Variants in GDA observed in about 807,000 individuals in gnomAD.
GDA encodes guanine deaminase.
Under a neutral mutation model 59.6 loss-of-function variants are expected in GDA, and 18 were observed. The ratio of observed to expected loss-of-function variants is 0.30; its 90% CI spans 0.21 to 0.45. GDA has a LOEUF of 0.45. GDA is among the 20% of genes least tolerant of loss of function. The pLI, the probability that GDA is intolerant of heterozygous loss-of-function variation, is 1.00. For missense variants in GDA, 427 were observed against 552.3 expected, an observed-to-expected ratio of 0.77 and a Z score of 2.27; for synonymous variants, 201 against 201.1, an observed-to-expected ratio of 1.00 and a Z score of 0.00.
chr9:72,130,433 A>G (rs1042275889), intron 1 of GDA, among the ~76,000 whole-genome samples: 1 of 152,228 alleles, frequency 6.6e-6, no homozygotes, highest in Admixed American at 6.5e-5. Flanking sequence ...AAAAGTGACC[A>G]TTAAGAACAT....
At chr9:72,125,507 C>G (rs1587299769) in intron 1 of GDA, among the ~76,000 whole-genome samples, 1 of 152,242 alleles carries the variant, frequency 6.6e-6, no homozygotes, top group African/African-American at 2.4e-5. Context: ...CAGGCATGAG[C>G]CACTGTGCTT....
intron 1 of GDA, among the ~76,000 whole-genome samples, chr9:72,168,526 C>G (rs986767008): frequency 7.9e-5 from 12 of 151,312 alleles, no homozygotes; most frequent in African/African-American, 2.9e-4. Flanking sequence ...ACCCAAGTAG[C>G]TGGGATTACA....
intron 1 of GDA, among the ~76,000 whole-genome samples, chr9:72,167,572 C>A (rs1464920813): frequency 6.6e-6 from 1 of 152,164 alleles, no homozygotes; most frequent in African/African-American, 2.4e-5. Flanking sequence ...ACTTTCTGTC[C>A]ACCACTGGTT....
intron 12 of GDA, 123 bp downstream of exon 12, chr9:72,245,401 CG>C: frequency 3.0e-6 from 2 of 661,740 alleles, no homozygotes; most frequent in Non-Finnish European, 5.4e-6. Context: ...TTAAAATGGA[CG>C]CTAGAGCCCT....
rs535195138 is a variant in GDA at position 72,125,054 on chromosome 9, A to G, written c.-100+10221A>G. Reference sequence around the variant, plus strand: ...GTTTGAATCCTGGATGATTTGGGAGAGAGGACTCAAAGGATTCTTTATTAA... The same window carrying G: ...GTTTGAATCCTGGATGATTTGGGAGGGAGGACTCAAAGGATTCTTTATTAA... On this transcript the variant is annotated intron_variant, in intron 1 of 13. Coordinates refer to the GDA transcript ENST00000545168. Among the ~76,000 whole-genome samples, 3 of 152,338 alleles carry G rather than the reference A, an allele frequency of 2.0e-5. No individual in the cohort carries two copies. The South Asian group carries it at 6.2e-4, about 32-fold the overall frequency.
intron 2 of GDA, among the ~76,000 whole-genome samples, chr9:72,201,337 T>A (rs1833983748): frequency 6.6e-6 from 1 of 152,150 alleles, no homozygotes. Context: ...TAGAACGCTG[T>A]GCCAGTGCCT....
intron 1 of GDA, among the ~76,000 whole-genome samples, chr9:72,159,900 A>G (rs7019060): frequency 0.19 from 29,422 of 152,088 alleles, 3,330 homozygotes; most frequent in African/African-American, 0.32. Flanking sequence ...TGCAGTAAAA[A>G]ATGCATAACT....
chr9:72,144,634 A>G (rs1457672227), upstream of GDA, among the ~76,000 whole-genome samples: 1 of 152,192 alleles, frequency 6.6e-6, no homozygotes, highest in Admixed American at 6.5e-5. Context: ...AAAATGGACA[A>G]AATATGAATT....
At chr9:72,178,473 A>C (rs570795295) in intron 1 of GDA, among the ~76,000 whole-genome samples, 1 of 143,402 alleles carries the variant, frequency 7.0e-6, no homozygotes, top group Admixed American at 7.3e-5. Flanking sequence ...GCTGGAGTGC[A>C]ATGGTGCAAT....
At chr9:72,222,924 C>A (rs751839567) in intron 6 of GDA, among the ~76,000 whole-genome samples, 196 bp from the exon 7 acceptor site, 2 of 152,148 alleles carry the variant, frequency 1.3e-5, no homozygotes, top group Non-Finnish European at 2.9e-5. Context: ...TCAGGCTGGT[C>A]TCGAACTCCC....
At chr9:72,222,692 G>A (rs1434865005) in intron 6 of GDA, among the ~76,000 whole-genome samples, 1 of 151,546 alleles carries the variant, frequency 6.6e-6, no homozygotes, top group African/African-American at 2.4e-5. Context: ...TTGTTTTTTT[G>A]TTGTTGTTTG....
chr9:72,128,350 G>A (rs7466847), intron 1 of GDA, among the ~76,000 whole-genome samples: 70,292 of 151,386 alleles, frequency 0.46, 18,078 homozygotes, highest in Non-Finnish European at 0.58. Context: ...TGGTGGGGTG[G>A]GAGTGTGTTG....
At chr9:72,146,711 C>G (rs1315986253), upstream of GDA, among the ~76,000 whole-genome samples, 1 of 152,256 alleles carries the variant, frequency 6.6e-6, no homozygotes, top group African/African-American at 2.4e-5. Context: ...AGGCTGGTCT[C>G]GAACTCCTCA....
rs1835305956 is a variant in GDA at position 72,211,140 on chromosome 9, C to CA, written c.472+367dup. Among the ~76,000 whole-genome samples the CA allele has an allele frequency of 2.0e-5, 3 of 152,242 alleles. No homozygotes were observed. The East Asian group carries it at 5.8e-4, about 29-fold the overall frequency. Reference sequence around the variant, plus strand: ...TAATAGTTTCTTATATCAGCAGATACATGGTGGCTATTGGCTAGAGTCAGG... The same window carrying CA: ...TAATAGTTTCTTATATCAGCAGATACAATGGTGGCTATTGGCTAGAGTCAGG... On this transcript the variant is annotated intron_variant, in intron 4 of 13. Coordinates refer to ENST00000358399, the MANE Select transcript of GDA (RefSeq NM_004293.5).
rs958553770 is a variant in GDA, at chr9:72,251,042, C to G, written c.*2700C>G. The G allele has an allele frequency of 1.1e-5, 6 of 526,390 alleles. No homozygotes were observed. In the South Asian group the frequency reaches 1.4e-4, roughly 12 times the overall value. 32.6% of individuals were successfully genotyped at this position (526,390 alleles called of 1,614,324 possible). A position where few individuals can be genotyped will look rare whatever the true frequency, so the allele number is the denominator to read the frequency against. On this transcript the variant is annotated 3_prime_UTR_variant, in exon 14 of 14. Transcript: ENST00000358399. ...CTAATTTATTCTCTTGGCTGGTTCT[C>G]TCATTGAATTATCAGACCCCAAGAG...
At chr9:72,197,903 A>T (rs1023320054) in intron 2 of GDA, among the ~76,000 whole-genome samples, 1 of 152,124 alleles carries the variant, frequency 6.6e-6, no homozygotes, top group African/African-American at 2.4e-5. Context: ...AAGGGAAATC[A>T]CAACTGGAGT....
intron 1 of GDA, among the ~76,000 whole-genome samples, chr9:72,185,256 A>C (rs1017004805): frequency 6.6e-6 from 1 of 152,202 alleles, no homozygotes; most frequent in Non-Finnish European, 1.5e-5. Flanking sequence ...AGCAATCATA[A>C]AGTTTTGGAA....
rs143952020 is a variant in GDA, at chr9:72,178,764, C to T, written c.124-16736C>T. ...ACTGTTCTGTGCTGCTTATTTTAAG[C>T]TCCTGGTCCTCGCTGTAATCAAGTC... On this transcript the variant is annotated intron_variant, in intron 1 of 13. Coordinates refer to ENST00000358399, the MANE Select transcript of GDA (RefSeq NM_004293.5). 1.1e-4 allele frequency among the ~76,000 whole-genome samples: 17 copies of T among 152,260 alleles called. No homozygotes were observed. In the East Asian group the frequency reaches 3.3e-3, roughly 29 times the overall value.
chr9:72,194,156 A>G (rs1472253177), intron 1 of GDA: 1 of 152,146 alleles, frequency 6.6e-6, no homozygotes, highest in Non-Finnish European at 1.5e-5. Flanking sequence ...TGGTACCTAA[A>G]GTGTAAGACA....
Sources: allele counts gnomAD v4.1 joint callset (sites outside exome capture counted in the v4.1 genomes callset), GRCh38; gene constraint gnomAD v4.1.1; transcripts MANE v1.5; gene names NCBI Gene and HGNC (gene_info 2026-07-23, HGNC 2026-07-21).